GULP1: variants seen among roughly 807,000 people sequenced by gnomAD.
The protein encoded by GULP1 is PTB domain-containing engulfment adapter protein 1.
A neutral mutation model predicts 40.9 loss-of-function variants in GULP1; 19 were observed. That is an observed-to-expected ratio of 0.46 (90% CI 0.32 to 0.68). The LOEUF (loss-of-function observed/expected upper bound fraction) is 0.68. Among genes scored for constraint, GULP1 ranks in the 30% least tolerant of loss-of-function variants. The probability of loss-of-function intolerance (pLI) is 0.03; values close to 1 mark genes in which losing one functional copy is unlikely to be tolerated. For missense variants in GULP1, 312 were observed against 362.2 expected, an observed-to-expected ratio of 0.86 and a Z score of 1.12; for synonymous variants, 119 against 117.6, an observed-to-expected ratio of 1.01 and a Z score of -0.08.
intron 2 of GULP1, among the ~76,000 whole-genome samples, chr2:188,465,448 C>T (rs1301412432): frequency 2.0e-5 from 3 of 151,928 alleles, no homozygotes; most frequent in Non-Finnish European, 4.4e-5. Context: ...GTCTCCTTTG[C>T]AGCCACAAAC....
At position 188,351,141 on chromosome 2, in the gene GULP1, A is replaced by G. The variant is rs191709918; in HGVS notation, c.-171-32622A>G. 3.9e-5 allele frequency among the ~76,000 whole-genome samples: 6 copies of G among 152,308 alleles called. No homozygotes were observed. In the East Asian group the frequency reaches 9.6e-4, roughly 24 times the overall value. On this transcript the variant is annotated intron_variant, in intron 1 of 11. Coordinates refer to ENST00000409830, the MANE Select transcript of GULP1 (RefSeq NM_016315.4). ...AGAAAAATAATTCAGAGGATGGAAT[A>G]TAGTTTGAGTAGGACTTAAAAAAAG...
chr2:188,413,368 A>T (rs2054166835), intron 2 of GULP1, among the ~76,000 whole-genome samples: 1 of 152,164 alleles, frequency 6.6e-6, no homozygotes, highest in Non-Finnish European at 1.5e-5. Context: ...CCTGACTTTA[A>T]TGATCGCCAT....
chr2:188,586,848 G>A (rs1387996807), intron 10 of GULP1, among the ~76,000 whole-genome samples: 2 of 151,862 alleles, frequency 1.3e-5, no homozygotes, highest in Non-Finnish European at 2.9e-5. Context: ...CAGAAATCAA[G>A]TAGCATAAAT....
intron 1 of GULP1, among the ~76,000 whole-genome samples, chr2:188,298,881 A>G (rs2035562147): frequency 6.6e-6 from 1 of 152,176 alleles, no homozygotes; most frequent in Non-Finnish European, 1.5e-5. Context: ...CTCAGGCAAA[A>G]GTTTGCTCAG....
chr2:188,469,523 G>A (rs570653007), intron 2 of GULP1, among the ~76,000 whole-genome samples: 1 of 152,248 alleles, frequency 6.6e-6, no homozygotes, highest in African/African-American at 2.4e-5. Flanking sequence ...GAGGCTTCAG[G>A]AACCTCTAGT....
At chr2:188,497,881 G>A (rs915592993) in intron 4 of GULP1, among the ~76,000 whole-genome samples, 6 of 151,962 alleles carry the variant, frequency 3.9e-5, no homozygotes, top group Admixed American at 3.9e-4. Flanking sequence ...AGGGTCCTTT[G>A]TTAGTCACAC....
intron 2 of GULP1, among the ~76,000 whole-genome samples, chr2:188,404,027 C>G (rs980884811): frequency 1.3e-5 from 2 of 152,104 alleles, no homozygotes; most frequent in African/African-American, 4.8e-5. Context: ...TCACTAAAGA[C>G]AGACTTATAG....
At chr2:188,459,605 T>C (rs888185828) in intron 2 of GULP1, among the ~76,000 whole-genome samples, 7 of 152,066 alleles carry the variant, frequency 4.6e-5, no homozygotes, top group Non-Finnish European at 7.4e-5. Flanking sequence ...AAATTTTTTA[T>C]CCCATTGATT....
intron 1 of GULP1, among the ~76,000 whole-genome samples, chr2:188,303,983 A>G (rs1428518384): frequency 1.3e-5 from 2 of 152,150 alleles, no homozygotes; most frequent in Non-Finnish European, 2.9e-5. Flanking sequence ...CTCTGCCCTT[A>G]CAGAATAGGA....
At position 188,402,641 on chromosome 2, in the gene GULP1, CT is replaced by C; in HGVS notation, c.-45+18755del. On this transcript the variant is annotated intron_variant, in intron 2 of 11. Transcript: ENST00000409830. Reference sequence around the variant, plus strand: ...GACTATGCTGGGAATGTTTAAATGACTTTCTCTATACAAAATTTTGGCTTAG... The same window carrying C: ...GACTATGCTGGGAATGTTTAAATGACTTCTCTATACAAAATTTTGGCTTAG... Among the ~76,000 whole-genome samples, 7 of 152,072 alleles carry C rather than the reference CT, an allele frequency of 4.6e-5. No homozygotes were observed. The Middle Eastern group carries it at 0.024, about 517-fold the overall frequency.
At chr2:188,482,698 A>G (rs2061532033) in intron 3 of GULP1, among the ~76,000 whole-genome samples, 1 of 151,312 alleles carries the variant, frequency 6.6e-6, no homozygotes, top group Non-Finnish European at 1.5e-5. Context: ...AGTAATACAA[A>G]TATAAATAAC....
intron 4 of GULP1, among the ~76,000 whole-genome samples, chr2:188,488,909 AACCATT>A (rs1029792477): frequency 1.2e-4 from 19 of 152,166 alleles, no homozygotes; most frequent in African/African-American, 4.3e-4. Flanking sequence ...AACCTTTTGA[AACCATT>A]AGGGAGTTTT....
At chr2:188,368,197 G>T (rs2047057951) in intron 1 of GULP1, among the ~76,000 whole-genome samples, 1 of 152,132 alleles carries the variant, frequency 6.6e-6, no homozygotes, top group Non-Finnish European at 1.5e-5. Context: ...TAGAAAAAAG[G>T]TCTGGGGATT....
rs1576356128 is a variant in GULP1 at position 188,595,406 on chromosome 2, T to C, written c.*1395T>C. On this transcript the variant is annotated 3_prime_UTR_variant, in exon 12 of 12. Coordinates refer to ENST00000409830, the MANE Select transcript of GULP1 (RefSeq NM_016315.4). ...ACTAGGAAAAGAAATCAAATATGCT[T>C]ATGCAATATATATTTGTGTGTTTTT... 6.6e-6 allele frequency: 1 copy of C among 152,322 alleles called. No homozygotes were observed. Among genetic ancestry groups the C allele is most frequent in the South Asian group, 2.1e-4 (1 of 4,826 alleles). 9.4% of individuals were successfully genotyped at this position (152,322 alleles called of 1,614,324 possible).
intron 1 of GULP1, among the ~76,000 whole-genome samples, chr2:188,307,277 C>T (rs528288536): frequency 4.6e-5 from 7 of 152,148 alleles, no homozygotes; most frequent in Admixed American, 6.5e-5. Context: ...ACAACTTCAA[C>T]GTATCATGTA....
intron 6 of GULP1, among the ~76,000 whole-genome samples, chr2:188,539,542 C>G (rs1689882500): frequency 2.0e-5 from 3 of 152,054 alleles, no homozygotes; most frequent in African/African-American, 7.2e-5. Context: ...AGTCAAGCAC[C>G]TCTTCTTAGA....
At chr2:188,501,024 C>A (rs905025413) in intron 4 of GULP1, among the ~76,000 whole-genome samples, 4 of 151,874 alleles carry the variant, frequency 2.6e-5, no homozygotes, top group Non-Finnish European at 5.9e-5. Flanking sequence ...GAGATAGATA[C>A]TGTAGTTATA....
intron 2 of GULP1, among the ~76,000 whole-genome samples, chr2:188,397,176 G>A (rs1010591381): frequency 3.9e-5 from 6 of 152,244 alleles, no homozygotes; most frequent in South Asian, 2.1e-4. Flanking sequence ...GATTATCTAC[G>A]TACTCTTTTG....
chr2:188,324,876 A>G (rs2040522789), intron 1 of GULP1, among the ~76,000 whole-genome samples: 1 of 152,182 alleles, frequency 6.6e-6, no homozygotes, highest in Non-Finnish European at 1.5e-5. Flanking sequence ...GACATTATCT[A>G]CAAAGGAAGA....
Sources: gnomAD v4.1 joint callset for allele counts (sites outside exome capture counted in the v4.1 genomes callset) on GRCh38, gnomAD v4.1.1 for gene constraint, MANE v1.5 for transcripts, NCBI Gene and HGNC (gene_info 2026-07-23, HGNC 2026-07-21) for gene names.